Variants in PRKG2 observed in about 807,000 individuals in gnomAD.
PRKG2 encodes the protein protein kinase cGMP-dependent 2, also known as cGMP-dependent protein kinase 2.
PRKG2 carries 33 observed loss-of-function variants against 97.2 expected under a neutral mutation model. That is an observed-to-expected ratio of 0.34 (90% confidence interval 0.26 to 0.45). PRKG2 has a LOEUF of 0.45. Among genes scored for constraint, PRKG2 ranks in the 20% least tolerant of loss-of-function variants. The pLI is 1.00. For missense variants in PRKG2, 638 were observed against 900.0 expected (o/e 0.71, Z 3.73); for synonymous variants, 330 against 321.8 (o/e 1.03, Z -0.27).
chr4:81,142,050 AT>A (rs1192911226), intron 11 of PRKG2, among the ~76,000 whole-genome samples: 1 of 152,188 alleles, frequency 6.6e-6, no homozygotes, highest in African/African-American at 2.4e-5. Context: ...GGACTCGGTA[AT>A]TGCCAAGGCC....
chr4:81,114,503 T>A (rs1311290076), intron 14 of PRKG2, among the ~76,000 whole-genome samples: 2 of 152,174 alleles, frequency 1.3e-5, no homozygotes, highest in Non-Finnish European at 2.9e-5. Context: ...CAACAGCATG[T>A]GTTAAGCACA....
chr4:81,180,560 C>T (rs1397057907), intron 2 of PRKG2, among the ~76,000 whole-genome samples: 2 of 152,050 alleles, frequency 1.3e-5, no homozygotes, highest in Non-Finnish European at 2.9e-5. Context: ...ATATTTATAT[C>T]ATCAAGAATA....
chr4:81,189,066 TAAAAAA>T, intron 2 of PRKG2, among the ~76,000 whole-genome samples: 6 of 17,054 alleles, frequency 3.5e-4, no homozygotes, highest in Non-Finnish European at 3.8e-4. Flanking sequence ...AAAAAAATAA[TAAAAAA>T]AAAAAAAAAA....
intron 2 of PRKG2, among the ~76,000 whole-genome samples, chr4:81,194,709 T>C (rs1752838063): frequency 6.6e-6 from 1 of 152,228 alleles, no homozygotes; most frequent in African/African-American, 2.4e-5. Flanking sequence ...AAGAAGTTTA[T>C]CTGACACACT....
At chr4:81,203,099 TG>T (rs1753420524) in intron 2 of PRKG2, among the ~76,000 whole-genome samples, 3 of 151,820 alleles carry the variant, frequency 2.0e-5, no homozygotes, top group African/African-American at 7.2e-5. Context: ...ACATATACTA[TG>T]TAGAGTTCAT....
At chr4:81,116,867 T>C (rs1437999685) in intron 14 of PRKG2, among the ~76,000 whole-genome samples, 2 of 152,110 alleles carry the variant, frequency 1.3e-5, no homozygotes, top group Non-Finnish European at 2.9e-5. Flanking sequence ...ATGGGATTGC[T>C]TTTCTTCTTG....
intron 2 of PRKG2, among the ~76,000 whole-genome samples, chr4:81,188,003 A>G (rs1158697751): frequency 3.3e-5 from 5 of 152,204 alleles, no homozygotes; most frequent in South Asian, 2.1e-4. Flanking sequence ...AATGGCAACA[A>G]AAGCCAAAAT....
rs187651861 is a variant in PRKG2 at position 81,199,405 on chromosome 4, A to G, written c.461+5182T>C. ...CTTCCAATAAAAAGGTCAAGAGTCC[A>G]CCTCTGATTGTTATCTTGAAAAAAT... On this transcript the variant is annotated intron_variant, in intron 2 of 18. Coordinates refer to ENST00000264399, the MANE Select transcript of PRKG2 (RefSeq NM_006259.3). 2.2e-3 allele frequency among the ~76,000 whole-genome samples: 336 copies of G among 152,300 alleles called. 3 individuals carry two copies. The highest frequency in any genetic ancestry group is 7.9e-3 in the African/African-American group (328 of 41,550).
chr4:81,215,397 A>C (rs936102217), upstream of PRKG2, among the ~76,000 whole-genome samples: 1 of 152,116 alleles, frequency 6.6e-6, no homozygotes, highest in Non-Finnish European at 1.5e-5. Flanking sequence ...TGCACTTTAT[A>C]CCCCATACCC....
intron 2 of PRKG2, among the ~76,000 whole-genome samples, chr4:81,189,993 C>T (rs1217683165): frequency 6.6e-6 from 1 of 152,096 alleles, no homozygotes; most frequent in East Asian, 1.9e-4. Flanking sequence ...GTGAAAATGG[C>T]CATACTGCCC....
rs1743263220 is a variant in PRKG2, at chr4:81,105,794, TACTG to T, written c.2063+15_2063+18del. ...TTAGACTTTCTTCAAGACAAGGGGT[TACTG>T]ACTGTCATTCTCACCTGCAAAGCCT... is the stretch of plus-strand genomic sequence containing the variant. On this transcript the variant is annotated intron_variant, in intron 16 of 18. Coordinates refer to ENST00000264399, the MANE Select transcript of PRKG2 (RefSeq NM_006259.3). 1.2e-6 allele frequency: 2 copies of T among 1,613,276 alleles called. No individual in the cohort carries two copies.
At chr4:81,092,272 T>A (rs1464034204) in intron 18 of PRKG2, 114 bp downstream of exon 18, 68 of 557,100 alleles carry the variant, frequency 1.2e-4, no homozygotes, top group Non-Finnish European at 1.6e-4. Context: ...AAAACTGCTT[T>A]AAAAAAAAAC....
intron 17 of PRKG2, among the ~76,000 whole-genome samples, chr4:81,100,511 A>G (rs1170939887): frequency 6.6e-6 from 1 of 152,222 alleles, no homozygotes; most frequent in Non-Finnish European, 1.5e-5. Context: ...GGCTAGCCAT[A>G]TGTAGAAAGC....
At chr4:81,172,384 G>A (rs1750560159) in intron 3 of PRKG2, among the ~76,000 whole-genome samples, 1 of 152,108 alleles carries the variant, frequency 6.6e-6, no homozygotes, top group African/African-American at 2.4e-5. Flanking sequence ...AGACTGCCTG[G>A]CTGTGTCCTG....
At chr4:81,185,788 C>G (rs561280242) in intron 2 of PRKG2, among the ~76,000 whole-genome samples, 1 of 152,110 alleles carries the variant, frequency 6.6e-6, no homozygotes, top group East Asian at 1.9e-4. Context: ...ATTTACCAAG[C>G]AAATGGAAAG....
At chr4:81,098,003 G>T (rs1412818144) in intron 17 of PRKG2, among the ~76,000 whole-genome samples, 9 of 152,106 alleles carry the variant, frequency 5.9e-5, no homozygotes, top group Non-Finnish European at 1.3e-4. Context: ...CAAGTTGATT[G>T]GATTGAAGTA....
intron 15 of PRKG2, 121 bp downstream of exon 15, chr4:81,110,327 C>A (rs1743768034): frequency 9.6e-7 from 1 of 1,042,192 alleles, no homozygotes; most frequent in African/African-American, 1.6e-5. Context: ...AAAAAGGTAT[C>A]ATACTTAATC....
chr4:81,094,389 T>C (rs1160619897), intron 17 of PRKG2, among the ~76,000 whole-genome samples: 2 of 144,572 alleles, frequency 1.4e-5, no homozygotes, highest in Non-Finnish European at 2.9e-5. Flanking sequence ...TAAGAAAATC[T>C]GATGCCAAAC....
At chr4:81,217,055 G>GTATATATATATATATATATATA (rs1410182031), upstream of PRKG2, among the ~76,000 whole-genome samples, 1 of 98,080 alleles carries the variant, frequency 1.0e-5, no homozygotes, top group African/African-American at 4.2e-5. Flanking sequence ...ATATATATAT[G>GTATATATATATATATATATATA]TGTATATATA....
Sources: gnomAD v4.1 joint callset for allele counts (sites outside exome capture counted in the v4.1 genomes callset) on GRCh38, gnomAD v4.1.1 for gene constraint, MANE v1.5 for transcripts, NCBI Gene and HGNC (gene_info 2026-07-23, HGNC 2026-07-21) for gene names.